Variants in LRP1B observed in about 807,000 individuals in gnomAD.
The protein encoded by LRP1B is low-density lipoprotein receptor-related protein 1B.
Under a neutral mutation model 556.6 loss-of-function variants are expected in LRP1B, and 217 were observed. That is an observed-to-expected ratio of 0.39 (90% CI 0.35 to 0.44). The LOEUF is 0.44. Ranked by LOEUF, LRP1B falls within the 20% of genes least tolerant of loss-of-function variation. The pLI, the probability that LRP1B is intolerant of heterozygous loss-of-function variation, is 1.00. For missense variants in LRP1B, 5,053 were observed against 5,620.8 expected (o/e 0.90, Z 3.23); for synonymous variants, 2,047 against 1,865.8 (o/e 1.10, Z -2.50).
In LRP1B at chr2:140,700,320, G is replaced by A. The variant is rs2105419993; in HGVS notation, c.6729C>T (p.Tyr2243=). 1 of 1,612,490 alleles carries A rather than the reference G, an allele frequency of 6.2e-7. No individual in the cohort carries two copies. Among genetic ancestry groups the A allele is most frequent in the Non-Finnish European group, 8.5e-7 (1 of 1,179,064 alleles). ...GTATATTTCCAAAGTGTGCATCACT[G>A]TAAAAGATTCGGTTGGTACCTTTTC... ...QRRKGTNRIF[Y]SDAHFGNIQL... Residue 2243 remains tyrosine (Y), a synonymous_variant, in exon 41 of 91, where the codon TAC becomes TAT. Coordinates refer to ENST00000389484, the MANE Select transcript of LRP1B (RefSeq NM_018557.3).
At chr2:140,449,515 T>G (rs997674714) in intron 63 of LRP1B, among the ~76,000 whole-genome samples, 5 of 152,114 alleles carry the variant, frequency 3.3e-5, no homozygotes, top group African/African-American at 1.2e-4. Context: ...GCAGTGGATC[T>G]TTCAGAAACA....
chr2:141,494,915 C>CCT (rs1380222184), intron 2 of LRP1B, among the ~76,000 whole-genome samples: 1 of 151,394 alleles, frequency 6.6e-6, no homozygotes, highest in Non-Finnish European at 1.5e-5. Context: ...TCTGAATGGC[C>CCT]TGCAAAAATG....
intron 25 of LRP1B, among the ~76,000 whole-genome samples, chr2:140,871,612 T>A (rs1189484740): frequency 1.3e-5 from 2 of 152,156 alleles, no homozygotes; most frequent in Non-Finnish European, 2.9e-5. Context: ...AGTTATTTTT[T>A]AAAATAATTT....
At chr2:141,413,170 G>C (rs767073595) in intron 3 of LRP1B, among the ~76,000 whole-genome samples, 6 of 152,050 alleles carry the variant, frequency 3.9e-5, no homozygotes, top group Non-Finnish European at 7.4e-5. Flanking sequence ...AAGGCTGCAG[G>C]GAGCTACAGT....
intron 41 of LRP1B, among the ~76,000 whole-genome samples, chr2:140,667,050 G>A (rs1253462369): frequency 2.0e-5 from 3 of 152,158 alleles, no homozygotes; most frequent in East Asian, 1.9e-4. Context: ...TAACTATTGT[G>A]TTTAAAATAA....
chr2:141,755,439 C>T (rs763344335), intron 2 of LRP1B, among the ~76,000 whole-genome samples: 4 of 151,838 alleles, frequency 2.6e-5, no homozygotes, highest in Non-Finnish European at 5.9e-5. Flanking sequence ...TCAAAAAAGG[C>T]AAATTAATAC....
intron 7 of LRP1B, among the ~76,000 whole-genome samples, chr2:141,158,020 G>C (rs2105103057): frequency 6.6e-6 from 1 of 152,088 alleles, no homozygotes; most frequent in African/African-American, 2.4e-5. Flanking sequence ...TCTATTAAAA[G>C]GTTTTTTAAT....
chr2:142,087,009 GGA>G (rs1197971329), intron 1 of LRP1B, among the ~76,000 whole-genome samples: 24 of 152,048 alleles, frequency 1.6e-4, no homozygotes, highest in Admixed American at 1.6e-3. Context: ...TCACATTGCA[GGA>G]GAGTGTTGAT....
chr2:140,842,140 C>T (rs1308318453), intron 29 of LRP1B, among the ~76,000 whole-genome samples: 2 of 152,186 alleles, frequency 1.3e-5, no homozygotes, highest in Admixed American at 1.3e-4. Flanking sequence ...CTGCTACCTA[C>T]CTCTAGTCGA....
intron 86 of LRP1B, among the ~76,000 whole-genome samples, chr2:140,267,897 T>G (rs1005313497): frequency 6.6e-6 from 1 of 151,804 alleles, no homozygotes; most frequent in African/African-American, 2.4e-5. Context: ...CAATTATCAT[T>G]TTTAAATTGT....
chr2:140,461,442 T>G (rs904594534), intron 60 of LRP1B, among the ~76,000 whole-genome samples: 2 of 152,188 alleles, frequency 1.3e-5, no homozygotes, highest in Non-Finnish European at 2.9e-5. Context: ...TAATACTATC[T>G]TATTTTCCAT....
At chr2:140,755,506 T>C (rs1369524020) in intron 35 of LRP1B, among the ~76,000 whole-genome samples, 9 of 152,010 alleles carry the variant, frequency 5.9e-5, no homozygotes, top group Admixed American at 1.3e-4. Context: ...TCAAAGCTAG[T>C]TAACTTAAAC....
intron 66 of LRP1B, among the ~76,000 whole-genome samples, chr2:140,402,520 T>C (rs765425481): frequency 1.3e-5 from 2 of 152,186 alleles, no homozygotes; most frequent in Non-Finnish European, 2.9e-5. Context: ...AGACTCACAA[T>C]TCCTCTCTAC....
At chr2:141,096,441 A>T (rs1302865603) in intron 7 of LRP1B, among the ~76,000 whole-genome samples, 1 of 151,976 alleles carries the variant, frequency 6.6e-6, no homozygotes, top group Non-Finnish European at 1.5e-5. Flanking sequence ...TACAAAAATT[A>T]TCCCGGGATG....
intron 2 of LRP1B, among the ~76,000 whole-genome samples, chr2:141,774,500 C>A (rs1267646569): frequency 6.6e-6 from 1 of 152,092 alleles, no homozygotes; most frequent in Non-Finnish European, 1.5e-5. Flanking sequence ...TCCCATGATT[C>A]CATCACCTCC....
At chr2:140,356,188 C>T (rs942985264) in intron 75 of LRP1B, among the ~76,000 whole-genome samples, 154 bp downstream of exon 75, 3 of 151,670 alleles carry the variant, frequency 2.0e-5, no homozygotes, top group African/African-American at 7.2e-5. Flanking sequence ...AGCTCTTGAC[C>T]CCAGAGACTT....
intron 7 of LRP1B, among the ~76,000 whole-genome samples, chr2:141,121,156 G>A (rs922593865): frequency 1.3e-5 from 2 of 151,900 alleles, no homozygotes; most frequent in African/African-American, 2.4e-5. Context: ...TCCATGAAAT[G>A]AAAAAATTAA....
rs1338591381 is a variant in LRP1B at position 140,343,601 on chromosome 2, C to T, written c.11892+7196G>A. On this transcript the variant is annotated intron_variant, in intron 77 of 90. Coordinates refer to ENST00000389484, the MANE Select transcript of LRP1B (RefSeq NM_018557.3). ...TAGCTGACACGGTAAGGTCTCAAAA[C>T]TTGTTTAGTGAACAAAGTAAACAGC... Among the ~76,000 whole-genome samples, 38 of 151,526 alleles carry T rather than the reference C, an allele frequency of 2.5e-4. 1 individual carries two copies. The highest frequency in any genetic ancestry group is 4.9e-4 in the Non-Finnish European group (33 of 67,732).
At chr2:141,136,113 T>C (rs1184023568) in intron 7 of LRP1B, among the ~76,000 whole-genome samples, 1 of 151,920 alleles carries the variant, frequency 6.6e-6, no homozygotes. Flanking sequence ...TTAAAGCATT[T>C]TTTTAAATAT....
Sources: gnomAD v4.1 joint callset for allele counts (sites outside exome capture counted in the v4.1 genomes callset) on GRCh38, gnomAD v4.1.1 for gene constraint, MANE v1.5 for transcripts, NCBI Gene and HGNC (gene_info 2026-07-23, HGNC 2026-07-21) for gene names.